Variants in MED13L observed in about 807,000 individuals in gnomAD.
The protein encoded by MED13L is mediator complex subunit 13L, also known as mediator of RNA polymerase II transcription subunit 13-like.
MED13L carries 7 observed loss-of-function variants against 220.9 expected under a neutral mutation model. The ratio of observed to expected loss-of-function variants is 0.03; its 90% CI spans 0.02 to 0.06. The LOEUF (loss-of-function observed/expected upper bound fraction) is 0.06. Among genes scored for constraint, MED13L ranks in the 10% least tolerant of loss-of-function variants. The pLI is 1.00. For synonymous variants in MED13L, 1,011 were observed against 1,015.2 expected, an observed-to-expected ratio of 1.00 and a Z score of 0.08; for missense variants, 1,965 against 2,760.5, an observed-to-expected ratio of 0.71 and a Z score of 6.46.
chr12:116,229,755 G>A (rs1364500626), intron 2 of MED13L, among the ~76,000 whole-genome samples: 1 of 152,104 alleles, frequency 6.6e-6, no homozygotes, highest in African/African-American at 2.4e-5. Flanking sequence ...GTCTTAATAA[G>A]TATGTTATTT....
intron 5 of MED13L, among the ~76,000 whole-genome samples, chr12:116,020,924 G>GA (rs1263510596): frequency 3.3e-5 from 5 of 151,996 alleles, no homozygotes; most frequent in Non-Finnish European, 7.4e-5. Context: ...CATCAATCAA[G>GA]AGAGAGACAG....
chr12:116,017,597 T>C (rs1206446146), intron 7 of MED13L, among the ~76,000 whole-genome samples: 2 of 152,206 alleles, frequency 1.3e-5, no homozygotes, highest in Non-Finnish European at 2.9e-5. Context: ...TTCTCTGCTC[T>C]ACCAAATGAA....
At chr12:116,213,599 G>C (rs1261119796) in intron 2 of MED13L, among the ~76,000 whole-genome samples, 3 of 152,140 alleles carry the variant, frequency 2.0e-5, no homozygotes, top group African/African-American at 4.8e-5. Flanking sequence ...TTTTAGTAGA[G>C]ACAGGGTTTC....
chr12:116,014,417 G>A (rs983627461), intron 8 of MED13L, among the ~76,000 whole-genome samples: 1 of 152,174 alleles, frequency 6.6e-6, no homozygotes, highest in Non-Finnish European at 1.5e-5. Context: ...TGCTGATTAT[G>A]TTTACATAAA....
At chr12:116,234,951 C>A (rs536740436) in intron 2 of MED13L, among the ~76,000 whole-genome samples, 1 of 152,124 alleles carries the variant, frequency 6.6e-6, no homozygotes, top group Non-Finnish European at 1.5e-5. Context: ...GCGTGAGCCA[C>A]CATGCTCCGC....
In MED13L at chr12:116,208,172, A is replaced by T. The variant is rs151329917; in HGVS notation, c.310+29296T>A. 3.9e-5 allele frequency among the ~76,000 whole-genome samples: 6 copies of T among 152,318 alleles called. No homozygotes were observed. The East Asian group carries it at 5.8e-4, about 15-fold the overall frequency. On this transcript the variant is annotated intron_variant, in intron 2 of 30. Coordinates refer to ENST00000281928, the MANE Select transcript of MED13L (RefSeq NM_015335.5). ...CACTTTGGGAGGCCGAGACAGGAGG[A>T]TCACCTGAGTTCAGGAGTTTGAGAC... is the stretch of plus-strand genomic sequence containing the variant.
intron 4 of MED13L, among the ~76,000 whole-genome samples, chr12:116,029,002 G>A (rs914523491): frequency 6.6e-6 from 1 of 152,076 alleles, no homozygotes; most frequent in Middle Eastern, 3.2e-3. Flanking sequence ...ACCCAACGCT[G>A]AAGCACCTCC....
intron 17 of MED13L, among the ~76,000 whole-genome samples, chr12:115,990,434 C>T (rs1284584925): frequency 6.6e-6 from 1 of 152,198 alleles, no homozygotes; most frequent in Non-Finnish European, 1.5e-5. Flanking sequence ...TGATGCATTG[C>T]AGTTTAGGCA....
intron 4 of MED13L, among the ~76,000 whole-genome samples, chr12:116,054,992 A>G (rs554857796): frequency 3.9e-5 from 6 of 152,360 alleles, no homozygotes; most frequent in African/African-American, 1.4e-4. Flanking sequence ...TTAAATAAAA[A>G]TAAAAACAAA....
chr12:115,983,072 A>C, intron 21 of MED13L, 45 bp downstream of exon 21: 4 of 1,587,900 alleles, frequency 2.5e-6, no homozygotes, highest in Middle Eastern at 1.7e-4. Flanking sequence ...GAAGAGAGAA[A>C]GGGTCTGAGC....
intron 2 of MED13L, among the ~76,000 whole-genome samples, chr12:116,128,456 A>AC (rs773156187): frequency 2.0e-5 from 3 of 152,006 alleles, no homozygotes; most frequent in Non-Finnish European, 4.4e-5. Flanking sequence ...AAAAAAAAAA[A>AC]CAAGAAAATA....
chr12:115,965,385 A>C (rs1423114484), intron 29 of MED13L, among the ~76,000 whole-genome samples: 2 of 152,080 alleles, frequency 1.3e-5, no homozygotes, highest in Non-Finnish European at 2.9e-5. Context: ...TATTCCTTAG[A>C]GGTGGGATTG....
At chr12:116,207,027 C>T (rs1014294663) in intron 2 of MED13L, among the ~76,000 whole-genome samples, 2 of 152,032 alleles carry the variant, frequency 1.3e-5, no homozygotes, top group African/African-American at 4.8e-5. Flanking sequence ...AAAATATACA[C>T]TAAGAACAAA....
chr12:116,168,584 T>C (rs1455284567), intron 2 of MED13L, among the ~76,000 whole-genome samples: 29 of 152,194 alleles, frequency 1.9e-4, no homozygotes, highest in Admixed American at 1.9e-3. Context: ...TATTAGAAAG[T>C]AATGAGTATT....
intron 8 of MED13L, among the ~76,000 whole-genome samples, chr12:116,014,102 A>G (rs1879582434): frequency 6.6e-6 from 1 of 152,240 alleles, no homozygotes; most frequent in African/African-American, 2.4e-5. Context: ...ATGATTTTCC[A>G]CTGCAATTAT....
chr12:116,122,003 G>T (rs1245315994), intron 2 of MED13L, among the ~76,000 whole-genome samples: 2 of 152,110 alleles, frequency 1.3e-5, no homozygotes, highest in African/African-American at 4.8e-5. Context: ...GTAACTAACG[G>T]CTAAAGATAG....
chr12:116,071,487 C>T (rs531124651), intron 4 of MED13L, among the ~76,000 whole-genome samples: 3 of 152,254 alleles, frequency 2.0e-5, no homozygotes, highest in Admixed American at 6.5e-5. Flanking sequence ...AGTGCAATGG[C>T]GCAATCTCAG....
chr12:115,997,952 A>G (rs1367625861), intron 14 of MED13L, among the ~76,000 whole-genome samples: 1 of 152,220 alleles, frequency 6.6e-6, no homozygotes, highest in Non-Finnish European at 1.5e-5. Context: ...AATTGTTTGG[A>G]GCTGATTACT....
At chr12:116,051,895 T>A (rs1040527603) in intron 4 of MED13L, among the ~76,000 whole-genome samples, 1 of 152,142 alleles carries the variant, frequency 6.6e-6, no homozygotes, top group African/African-American at 2.4e-5. Flanking sequence ...AGCTGACTGA[T>A]ATGAATGCAA....
Sources: gnomAD v4.1 joint callset for allele counts (sites outside exome capture counted in the v4.1 genomes callset) on GRCh38, gnomAD v4.1.1 for gene constraint, MANE v1.5 for transcripts, NCBI Gene and HGNC (gene_info 2026-07-23, HGNC 2026-07-21) for gene names.